Variants in LEF1 observed in about 807,000 individuals in gnomAD.
LEF1 encodes the protein lymphoid enhancer-binding factor 1.
In LEF1, 14 loss-of-function variants were observed where a neutral mutation model predicts 51.2. That is an observed-to-expected ratio of 0.27 (90% CI 0.18 to 0.43). The LOEUF (loss-of-function observed/expected upper bound fraction) is 0.43. LEF1 is among the 20% of genes least tolerant of loss of function. LEF1 has a pLI of 1.00. For synonymous variants in LEF1, 185 were observed against 183.2 expected (o/e 1.01, Z -0.08); for missense variants, 386 against 512.0 (o/e 0.75, Z 2.37).
At chr4:108,163,083 C>T (rs1408384508) in intron 3 of LEF1, among the ~76,000 whole-genome samples, 1 of 152,044 alleles carries the variant, frequency 6.6e-6, no homozygotes, top group Non-Finnish European at 1.5e-5. Flanking sequence ...CCCGCCAAAC[C>T]GATCCTAAGG....
At chr4:108,076,522 T>A (rs1213690846) in intron 8 of LEF1, among the ~76,000 whole-genome samples, 1 of 152,066 alleles carries the variant, frequency 6.6e-6, no homozygotes, top group African/African-American at 2.4e-5. Flanking sequence ...ATTATAGGCA[T>A]CCACCACCAC....
intron 3 of LEF1, among the ~76,000 whole-genome samples, chr4:108,154,222 T>C (rs771063804): frequency 3.3e-5 from 5 of 152,142 alleles, no homozygotes; most frequent in Admixed American, 2.6e-4. Flanking sequence ...ATAAGTACTT[T>C]GTATTCTTAA....
chr4:108,076,771 G>C (rs949291999), intron 8 of LEF1, among the ~76,000 whole-genome samples: 1 of 152,090 alleles, frequency 6.6e-6, no homozygotes, highest in Non-Finnish European at 1.5e-5. Context: ...GAATGATAAT[G>C]GGGCTTTAGG....
At chr4:108,080,304 C>T (rs1739198540) in intron 6 of LEF1, among the ~76,000 whole-genome samples, 1 of 152,182 alleles carries the variant, frequency 6.6e-6, no homozygotes, top group South Asian at 2.1e-4. Flanking sequence ...GGGAAACTGC[C>T]AGGCAAGAAA....
At chr4:108,136,482 T>TA (rs1238799800) in intron 3 of LEF1, among the ~76,000 whole-genome samples, 1 of 137,664 alleles carries the variant, frequency 7.3e-6, no homozygotes, top group Non-Finnish European at 1.6e-5. Flanking sequence ...TTTTTTTTTT[T>TA]AAACTTTAGA....
Position 108,070,648 on chromosome 4 carries a change from G to C in LEF1, c.1116+15C>G. On this transcript the variant is annotated intron_variant, in intron 9 of 11. Transcript: ENST00000265165. ...AGTGAGAGTGGAGAGCCACTGGTAT[G>C]GAGGAGGGGCTTACATAATTGTCTC... 1 of 1,542,574 alleles carries C rather than the reference G, an allele frequency of 6.5e-7. No individual in the cohort carries two copies. The highest frequency in any genetic ancestry group is 9.0e-7 in the Non-Finnish European group (1 of 1,114,964).
At position 108,143,906 on chromosome 4, in the gene LEF1, A is replaced by G. The variant is rs186060999; in HGVS notation, c.414+19662T>C. 8.5e-4 allele frequency among the ~76,000 whole-genome samples: 129 copies of G among 152,240 alleles called. 1 individual carries two copies. Among genetic ancestry groups the G allele is most frequent in the African/African-American group, 3.0e-3 (126 of 41,530 alleles). ...CATCATTGAGAATGGAGGTGACAACACTGTAATGATACACAGGAGACTCGT... is the reference window on the plus strand; with the variant it reads ...CATCATTGAGAATGGAGGTGACAACGCTGTAATGATACACAGGAGACTCGT... On this transcript the variant is annotated intron_variant, in intron 3 of 11. Coordinates refer to ENST00000265165, the MANE Select transcript of LEF1 (RefSeq NM_016269.5).
At chr4:108,101,184 A>G (rs1740797022) in intron 3 of LEF1, among the ~76,000 whole-genome samples, 1 of 152,216 alleles carries the variant, frequency 6.6e-6, no homozygotes, top group African/African-American at 2.4e-5. Flanking sequence ...TGTAAGGCAT[A>G]ATGTAAAACG....
At chr4:108,085,826 T>C (rs905998331) in intron 4 of LEF1, among the ~76,000 whole-genome samples, 2 of 152,262 alleles carry the variant, frequency 1.3e-5, no homozygotes, top group African/African-American at 2.4e-5. Context: ...TTTAATGTGG[T>C]ACTTGGGATG....
chr4:108,140,137 C>T (rs544288867), intron 3 of LEF1, among the ~76,000 whole-genome samples: 201 of 152,176 alleles, frequency 1.3e-3, no homozygotes, highest in African/African-American at 4.6e-3. Context: ...AATTTGCCGT[C>T]GAAGTCTGTG....
At chr4:108,162,199 A>G (rs2110420211) in intron 3 of LEF1, among the ~76,000 whole-genome samples, 1 of 152,298 alleles carries the variant, frequency 6.6e-6, no homozygotes, top group South Asian at 2.1e-4. Flanking sequence ...TATTTCTTAC[A>G]GCAACCATCA....
intron 3 of LEF1, among the ~76,000 whole-genome samples, chr4:108,143,845 C>G (rs1319204426): frequency 6.6e-6 from 1 of 152,144 alleles, no homozygotes; most frequent in Admixed American, 6.5e-5. Context: ...GCTGTGGGCT[C>G]CACACATTTC....
In LEF1 at chr4:108,125,506, T is replaced by G. The variant is rs147297989; in HGVS notation, c.415-36249A>C. On this transcript the variant is annotated intron_variant, in intron 3 of 11. Coordinates refer to ENST00000265165, the MANE Select transcript of LEF1 (RefSeq NM_016269.5). The stretch of plus-strand genomic sequence containing the variant: ...GTAGTATGACTCGAGCTCTTTTAAC[T>G]ATATCCTTCCACATGCTATCATTTT... 2.0e-4 allele frequency among the ~76,000 whole-genome samples: 31 copies of G among 152,268 alleles called. No individual in the cohort carries two copies. The East Asian group carries it at 6.0e-3, about 29-fold the overall frequency.
At chr4:108,110,740 A>G (rs1020016851) in intron 3 of LEF1, among the ~76,000 whole-genome samples, 2 of 152,186 alleles carry the variant, frequency 1.3e-5, no homozygotes, top group Admixed American at 6.5e-5. Context: ...CTGCTTCCTC[A>G]GCTGTAAAAT....
At chr4:108,127,894 T>G (rs541975338) in intron 3 of LEF1, among the ~76,000 whole-genome samples, 1 of 152,290 alleles carries the variant, frequency 6.6e-6, no homozygotes, top group South Asian at 2.1e-4. Context: ...CATCCCTTTT[T>G]CTGGAGTTTC....
intron 3 of LEF1, among the ~76,000 whole-genome samples, chr4:108,126,416 A>T (rs1444431799): frequency 6.6e-6 from 1 of 152,200 alleles, no homozygotes; most frequent in African/African-American, 2.4e-5. Context: ...ATAAAATGCA[A>T]TTGGAATAAT....
At chr4:108,096,249 A>C (rs1740385324) in intron 3 of LEF1, among the ~76,000 whole-genome samples, 1 of 152,162 alleles carries the variant, frequency 6.6e-6, no homozygotes, top group African/African-American at 2.4e-5. Flanking sequence ...CAAGAGGAAG[A>C]GGAGGAGAAG....
At chr4:108,054,303 C>A (rs535430440) in intron 11 of LEF1, among the ~76,000 whole-genome samples, 80 of 152,322 alleles carry the variant, frequency 5.3e-4, no homozygotes, top group African/African-American at 1.9e-3. Flanking sequence ...CAGAGCCGGG[C>A]GAGTGCAGGG....
At chr4:108,112,525 T>C (rs1183473037) in intron 3 of LEF1, among the ~76,000 whole-genome samples, 1 of 152,202 alleles carries the variant, frequency 6.6e-6, no homozygotes, top group Non-Finnish European at 1.5e-5. Flanking sequence ...CTGACACTTA[T>C]TGTACAACCT....
Sources: allele counts gnomAD v4.1 joint callset (sites outside exome capture counted in the v4.1 genomes callset), GRCh38; gene constraint gnomAD v4.1.1; transcripts MANE v1.5; gene names NCBI Gene and HGNC (gene_info 2026-07-23, HGNC 2026-07-21).